The following HELLS variants were observed in gnomAD, a reference collection of about 807,000 sequenced individuals.
HELLS encodes helicase, lymphoid specific.
HELLS carries 32 observed loss-of-function variants against 120.0 expected under a neutral mutation model. The ratio of observed to expected loss-of-function variants is 0.27; its 90% confidence interval spans 0.20 to 0.36. The LOEUF (loss-of-function observed/expected upper bound fraction) is 0.36, where lower values mean the gene tolerates loss of function less well. HELLS is among the 10% of genes least tolerant of loss of function. HELLS has a pLI of 1.00. For missense variants in HELLS, 650 were observed against 993.4 expected (o/e 0.65, Z 4.65); for synonymous variants, 341 against 323.4 (o/e 1.05, Z -0.58).
chr10:94,558,275 C>T, intron 4 of HELLS, 80 bp downstream of exon 4: 4 of 1,444,834 alleles, frequency 2.8e-6, no homozygotes, highest in Non-Finnish European at 1.8e-6. Context: ...CTTTTTTGAT[C>T]ATCTGTTTAA....
intron 12 of HELLS, among the ~76,000 whole-genome samples, chr10:94,586,437 G>T (rs1268153237): frequency 6.6e-6 from 1 of 152,062 alleles, no homozygotes; most frequent in Non-Finnish European, 1.5e-5. Context: ...GTTTTAACAT[G>T]TTTATGAAAC....
intron 6 of HELLS, 151 bp downstream of exon 6, chr10:94,563,027 A>G: frequency 1.4e-5 from 8 of 588,932 alleles, no homozygotes; most frequent in Non-Finnish European, 1.5e-5. Context: ...TGAAGCTGCC[A>G]AAATGTTTGA....
chr10:94,559,374 G>A (rs1281850019), intron 4 of HELLS, among the ~76,000 whole-genome samples: 1 of 152,120 alleles, frequency 6.6e-6, no homozygotes, highest in Non-Finnish European at 1.5e-5. Flanking sequence ...TATGTCTTGG[G>A]TAAGCTTCAT....
At chr10:94,596,448 AT>A (rs1236481990) in intron 19 of HELLS, among the ~76,000 whole-genome samples, 1 of 151,856 alleles carries the variant, frequency 6.6e-6, no homozygotes, top group Non-Finnish European at 1.5e-5. Context: ...TGTTGAATAT[AT>A]TTTTTCAACA....
chr10:94,569,069 A>C lies in HELLS; in HGVS notation c.436-2319A>C, dbSNP rs1589724739. 2.0e-5 allele frequency: 3 copies of C among 151,968 alleles called. No individual in the cohort carries two copies. In the South Asian group the frequency reaches 6.2e-4, roughly 32 times the overall value. The allele number at this position is 151,968 out of a possible 1,614,324, so 9.4% of individuals were successfully genotyped here. A position where few individuals can be genotyped will look rare whatever the true frequency, so the allele number is the denominator to read the frequency against. ...TGGTCAGGCTGGTCTTGAACTCCTG[A>C]CCTCAGGTGACCCGCCCGCCTCGGC... On this transcript the variant is annotated intron_variant, in intron 6 of 21. Transcript: ENST00000348459.
intron 17 of HELLS, among the ~76,000 whole-genome samples, chr10:94,593,226 A>G (rs1438692631): frequency 6.6e-6 from 1 of 152,090 alleles, no homozygotes; most frequent in Non-Finnish European, 1.5e-5. Flanking sequence ...GACAACTACA[A>G]TTTTTTCATC....
At chr10:94,574,338 T>C (rs774874512) in intron 8 of HELLS, 151 bp downstream of exon 8, 2 of 706,068 alleles carry the variant, frequency 2.8e-6, no homozygotes, top group African/African-American at 3.6e-5. Context: ...TTACCCTGAA[T>C]TTTTAGAAGT....
At chr10:94,578,136 T>C (rs921158446) in intron 10 of HELLS, among the ~76,000 whole-genome samples, 3 of 149,346 alleles carry the variant, frequency 2.0e-5, no homozygotes, top group Admixed American at 6.7e-5. Flanking sequence ...ACATGTTTAA[T>C]GGCACAAGGA....
chr10:94,588,106 T>G, intron 12 of HELLS, 123 bp from the exon 13 acceptor site: 3 of 498,656 alleles, frequency 6.0e-6, no homozygotes, highest in South Asian at 4.3e-5. Context: ...TTTCACCTTT[T>G]GAGATTTGGC....
intron 2 of HELLS, chr10:94,551,034 C>T (rs1430889138): frequency 1.3e-5 from 2 of 151,964 alleles, no homozygotes; most frequent in Non-Finnish European, 1.5e-5. Context: ...TTTTCATCTC[C>T]CTGTTTTCAT....
At chr10:94,590,974 CT>C (rs1282100460) in intron 15 of HELLS, among the ~76,000 whole-genome samples, 198 bp downstream of exon 15, 1 of 152,102 alleles carries the variant, frequency 6.6e-6, no homozygotes, top group East Asian at 1.9e-4. Flanking sequence ...AAAATGGTCA[CT>C]TTCTATGAGC....
At chr10:94,569,986 T>G (rs1361129555) in intron 6 of HELLS, 1 of 152,162 alleles carries the variant, frequency 6.6e-6, no homozygotes, top group Non-Finnish European at 1.5e-5. Context: ...TTAACTATAG[T>G]AACTATAAGT....
rs368424287 is a variant in HELLS, at chr10:94,545,907, G to A, written c.-15G>A. The A allele has an allele frequency of 6.4e-7, 1 of 1,553,948 alleles. No homozygotes were observed. The highest frequency in any genetic ancestry group is 1.2e-5 in the South Asian group (1 of 84,234). ...CTGAGAGGAGGGGACCCGGTTCCCG[G>A]GTGAGTGTCCAGGCATGCCAGCGGA... is the stretch of plus-strand genomic sequence containing the variant. On this transcript the variant is annotated 5_prime_UTR_variant, in exon 1 of 22. Transcript: ENST00000348459.
In HELLS at chr10:94,590,647, G is replaced by A; in HGVS notation, c.1638G>A (p.Val546=). The change falls in exon 15 of 22, where the codon GTG becomes GTA. Residue 546 remains valine, a synonymous_variant. Coordinates refer to ENST00000348459, the MANE Select transcript of HELLS (RefSeq NM_018063.5). Reference sequence around the variant, plus strand: ...TTATTTGTTTTGGTAGAGCTGTTGTGGAAGTGAATATCCCTGTAGAATCTG... The same window carrying A: ...TTATTTGTTTTGGTAGAGCTGTTGTAGAAGTGAATATCCCTGTAGAATCTG... ...QPEVDRERAV[V]EVNIPVESEV... 1 of 1,608,860 alleles carries A rather than the reference G, an allele frequency of 6.2e-7. No individual in the cohort carries two copies. The highest frequency in any genetic ancestry group is 8.5e-7 in the Non-Finnish European group (1 of 1,178,546).
downstream of HELLS, among the ~76,000 whole-genome samples, chr10:94,607,087 C>A (rs898959426): frequency 3.3e-5 from 5 of 152,080 alleles, no homozygotes; most frequent in Non-Finnish European, 7.4e-5. Flanking sequence ...AATACTCTAC[C>A]CTGTCTATAT....
chr10:94,557,296 T>C (rs1843320565), intron 3 of HELLS: 1 of 238,126 alleles, frequency 4.2e-6, no homozygotes. Context: ...TCAAATCTCC[T>C]TTTTCCTTTG....
chr10:94,610,260 G>T (rs990989910), exon 10 of HELLS: 2 of 152,000 alleles, frequency 1.3e-5, no homozygotes, highest in Non-Finnish European at 1.5e-5. Context: ...AAAACCAAGC[G>T]AATACACTGG....
chr10:94,551,376 G>A (rs531312789), intron 2 of HELLS, among the ~76,000 whole-genome samples: 2 of 152,162 alleles, frequency 1.3e-5, no homozygotes, highest in South Asian at 4.2e-4. Context: ...GAGCAGCCTG[G>A]CCAAGATGGT....
Position 94,547,845 on chromosome 10 carries a change from T to TA in HELLS, c.153+1348dup, listed in dbSNP as rs1842809693. Among the ~76,000 whole-genome samples the TA allele has an allele frequency of 2.0e-5, 3 of 152,206 alleles. No individual in the cohort carries two copies. In the South Asian group the frequency reaches 6.2e-4, roughly 32 times the overall value. On this transcript the variant is annotated intron_variant, in intron 2 of 21. Transcript: ENST00000348459. Reference sequence around the variant, plus strand: ...AATGCACATTTTTTAACTACCATGCTATAGTTCCACTCCAGTAATACTCCT... The same window carrying TA: ...AATGCACATTTTTTAACTACCATGCTAATAGTTCCACTCCAGTAATACTCCT...
Sources: allele counts gnomAD v4.1 joint callset (sites outside exome capture counted in the v4.1 genomes callset), GRCh38; gene constraint gnomAD v4.1.1; transcripts MANE v1.5; gene names NCBI Gene and HGNC (gene_info 2026-07-23, HGNC 2026-07-21).